HPGDS: variants seen among roughly 807,000 people sequenced by gnomAD.
The protein encoded by HPGDS is hematopoietic prostaglandin D synthase, also known as GST class-sigma.
HPGDS carries 26 observed loss-of-function variants against 23.1 expected under a neutral mutation model. The observed-to-expected ratio is 1.13, with a 90% CI of 0.83 to 1.56. The LOEUF (loss-of-function observed/expected upper bound fraction) is 1.56. HPGDS is among the 40% of genes most tolerant of loss of function. HPGDS has a pLI of 0.00. For synonymous variants in HPGDS, 95 were observed against 77.9 expected (o/e 1.22, Z -1.16); for missense variants, 268 against 236.4 (o/e 1.13, Z -0.88).
chr4:94,309,027 C>T (rs1465546380), intron 3 of HPGDS, among the ~76,000 whole-genome samples: 3 of 128,456 alleles, frequency 2.3e-5, no homozygotes, highest in South Asian at 2.6e-4. Flanking sequence ...TCTTTCTTTA[C>T]AAGTACCCAA....
chr4:94,340,363 G>C lies in HPGDS; in HGVS notation c.-10+2432C>G, dbSNP rs1361155675. ...TTTTTTTTTTTTTTTTTTTGAGACGGAGTCTCTCTCTGTCGCCCAGGCTGG... is the reference window on the plus strand; with the variant it reads ...TTTTTTTTTTTTTTTTTTTGAGACGCAGTCTCTCTCTGTCGCCCAGGCTGG... On this transcript the variant is annotated intron_variant, in intron 1 of 5. Transcript: ENST00000295256. Among the ~76,000 whole-genome samples, 3 of 45,796 alleles carry C rather than the reference G, an allele frequency of 6.6e-5. 1 individual carries two copies. The highest frequency in any genetic ancestry group is 1.9e-4 in the African/African-American group (3 of 16,108). The allele number at this position is 45,796 out of a possible 152,430, so 30.0% of individuals were successfully genotyped here.
Position 94,340,311 on chromosome 4 carries a change from C to CTTTCTTTCTTTTTCTTTTCTT in HPGDS, c.-10+2483_-10+2484insAAGAAAAGAAAAAGAAAGAAA. Among the ~76,000 whole-genome samples, 9 of 23,686 alleles carry CTTTCTTTCTTTTTCTTTTCTT rather than the reference C, an allele frequency of 3.8e-4. 3 individuals are homozygous for CTTTCTTTCTTTTTCTTTTCTT. Among genetic ancestry groups the CTTTCTTTCTTTTTCTTTTCTT allele is most frequent in the East Asian group, 2.8e-3 (2 of 726 alleles). 15.5% of individuals were successfully genotyped at this position (23,686 alleles called of 152,430 possible). ...TTTCTTTCTTTCTTTCTTTCTTTCT[C>CTTTCTTTCTTTTTCTTTTCTT]TTTTTTTTTTTTTTTTTTTTTTTTT... is the stretch of plus-strand genomic sequence containing the variant. On this transcript the variant is annotated intron_variant, in intron 1 of 5. Transcript: ENST00000295256.
At chr4:94,334,295 T>C in intron 2 of HPGDS, 2 of 453,342 alleles carry the variant, frequency 4.4e-6, no homozygotes, top group Admixed American at 8.2e-5. Context: ...TTTACCTTTA[T>C]ATTCTCTTTC....
chr4:94,327,871 A>G (rs1756664694), intron 2 of HPGDS, among the ~76,000 whole-genome samples: 2 of 152,194 alleles, frequency 1.3e-5, no homozygotes, highest in Admixed American at 1.3e-4. Flanking sequence ...AGGGATGTGG[A>G]GATGCACGGG....
chr4:94,312,000 T>G (rs559446794), intron 3 of HPGDS, among the ~76,000 whole-genome samples: 1 of 152,318 alleles, frequency 6.6e-6, no homozygotes, highest in South Asian at 2.1e-4. Context: ...TTTATCATTT[T>G]TTATTGCATC....
intron 2 of HPGDS, among the ~76,000 whole-genome samples, chr4:94,326,356 G>C (rs1756631695): frequency 6.6e-6 from 1 of 152,056 alleles, no homozygotes. Context: ...ACATTTGGGT[G>C]CTTTATGGTT....
At chr4:94,300,039 A>G (rs1480895268) in intron 5 of HPGDS, among the ~76,000 whole-genome samples, 6 of 152,190 alleles carry the variant, frequency 3.9e-5, no homozygotes, top group African/African-American at 1.2e-4. Flanking sequence ...TTCCAGGTCT[A>G]TGCATTTGAT....
At chr4:94,335,811 A>G (rs1402958899) in intron 1 of HPGDS, among the ~76,000 whole-genome samples, 1 of 152,256 alleles carries the variant, frequency 6.6e-6, no homozygotes, top group African/African-American at 2.4e-5. Flanking sequence ...GAGTTTAAAT[A>G]GTTTATTCAC....
intron 4 of HPGDS, among the ~76,000 whole-genome samples, chr4:94,304,981 C>T (rs1756114165): frequency 6.6e-6 from 1 of 151,982 alleles, no homozygotes. Context: ...AATCTTTAGA[C>T]ACTTCTAAAT....
chr4:94,342,524 G>A (rs1721193326), intron 1 of HPGDS, among the ~76,000 whole-genome samples: 1 of 152,116 alleles, frequency 6.6e-6, no homozygotes, highest in African/African-American at 2.4e-5. Context: ...TTTTCCTCTA[G>A]CATTGATTAT....
intron 5 of HPGDS, among the ~76,000 whole-genome samples, chr4:94,300,832 G>A (rs1031274076): frequency 6.6e-6 from 1 of 152,132 alleles, no homozygotes; most frequent in African/African-American, 2.4e-5. Context: ...ATTAAGACCT[G>A]CAGTGAGCAA....
chr4:94,323,767 A>C (rs1405396983), intron 2 of HPGDS, among the ~76,000 whole-genome samples: 1 of 152,104 alleles, frequency 6.6e-6, no homozygotes, highest in Non-Finnish European at 1.5e-5. Context: ...ATTTACATTT[A>C]AGGTTAATAT....
At chr4:94,328,826 A>G (rs1205194612) in intron 2 of HPGDS, among the ~76,000 whole-genome samples, 7 of 152,218 alleles carry the variant, frequency 4.6e-5, no homozygotes, top group Admixed American at 4.6e-4. Context: ...AAAAGAGAGA[A>G]AATAATAAAG....
At chr4:94,314,217 G>A (rs1047244252) in intron 3 of HPGDS, among the ~76,000 whole-genome samples, 1 of 152,304 alleles carries the variant, frequency 6.6e-6, no homozygotes, top group Admixed American at 6.5e-5. Flanking sequence ...GAGGTGCTCT[G>A]ATTTTTTGAA....
chr4:94,332,220 T>A (rs115744356), intron 2 of HPGDS, among the ~76,000 whole-genome samples: 4,418 of 152,164 alleles, frequency 0.029, 209 homozygotes, highest in African/African-American at 0.1. Flanking sequence ...CCAGCTCCCC[T>A]CTCTGCTGAG....
At chr4:94,322,571 T>C (rs929454047) in intron 2 of HPGDS, among the ~76,000 whole-genome samples, 1 of 152,244 alleles carries the variant, frequency 6.6e-6, no homozygotes, top group Non-Finnish European at 1.5e-5. Context: ...TAGTATTCTC[T>C]GATGGTAGTT....
In HPGDS at chr4:94,341,105, G is replaced by A. The variant is rs555925798; in HGVS notation, c.-10+1690C>T. Among the ~76,000 whole-genome samples, 4 of 152,018 alleles carry A rather than the reference G, an allele frequency of 2.6e-5. No individual in the cohort carries two copies. The South Asian group carries it at 8.3e-4, about 32-fold the overall frequency. On this transcript the variant is annotated intron_variant, in intron 1 of 5. Coordinates refer to ENST00000295256, the MANE Select transcript of HPGDS (RefSeq NM_014485.3). ...GCCAGCCTCGGCCTCCCAAAATGTT[G>A]GGATTACAGGCTGAGCCACCTCGCC...
Position 94,302,221 on chromosome 4 carries a change from G to A in HPGDS, c.360C>T (p.Leu120=). The change falls in exon 5 of 6, where the codon CTC becomes CTT. Residue 120 remains leucine (L), a synonymous_variant. Transcript: ENST00000295256. ...DVKEQMFNEL[L]TYNAPHLMQD... Reference sequence around the variant, plus strand: ...GCATAAGATGAGGCGCATTATACGTGAGCAGCTCATTGAACATCTGCTCCT... The same window carrying A: ...GCATAAGATGAGGCGCATTATACGTAAGCAGCTCATTGAACATCTGCTCCT... 6.2e-7 allele frequency: 1 copy of A among 1,611,714 alleles called. No individual in the cohort carries two copies. The highest frequency in any genetic ancestry group is 8.5e-7 in the Non-Finnish European group (1 of 1,178,478).
chr4:94,299,602 G>T lies in HPGDS; in HGVS notation c.478C>A (p.Leu160Ile), dbSNP rs143154820. The part of the protein sequence containing the change: ...DFYWEICSTT[L>I]LVFKPDLLDN... ...AACAGGTCAGGCTTAAAGACCAAAA[G>T]TGTGGTACTGCAAATCTCCCAGTAG... Residue 160 changes from leucine (L) to isoleucine (I), a missense_variant, in exon 6 of 6, where the codon CTT becomes ATT. By Grantham distance (5) the Leu-to-Ile change is conservative. Coordinates refer to ENST00000295256, the MANE Select transcript of HPGDS (RefSeq NM_014485.3). 1 of 1,614,006 alleles carries T rather than the reference G, an allele frequency of 6.2e-7. No individual in the cohort carries two copies. The highest frequency in any genetic ancestry group is 8.5e-7 in the Non-Finnish European group (1 of 1,180,004).
Sources: allele counts gnomAD v4.1 joint callset (sites outside exome capture counted in the v4.1 genomes callset), GRCh38; gene constraint gnomAD v4.1.1; transcripts MANE v1.5; gene names NCBI Gene and HGNC (gene_info 2026-07-23, HGNC 2026-07-21).